Variants in ZNF792 observed in about 807,000 individuals in gnomAD.
ZNF792 encodes the protein zinc finger protein 792.
Under a neutral mutation model 13.1 loss-of-function variants are expected in ZNF792, and 14 were observed. The observed-to-expected ratio is 1.07, with a 90% CI of 0.71 to 1.67. The LOEUF (loss-of-function observed/expected upper bound fraction) is 1.67, where lower values mean the gene tolerates loss of function less well. Ranked by LOEUF, ZNF792 falls within the 40% of genes most tolerant of loss-of-function variation. The probability of loss-of-function intolerance (pLI) is 0.00; values close to 1 mark genes in which losing one functional copy is unlikely to be tolerated. For synonymous variants in ZNF792, 257 were observed against 292.0 expected (o/e 0.88, Z 1.22); for missense variants, 740 against 807.9 (o/e 0.92, Z 1.02).
In ZNF792 at chr19:34,958,527, A is replaced by C; in HGVS notation, c.1328T>G (p.Val443Gly). The C allele has an allele frequency of 6.3e-7, 1 of 1,595,546 alleles. No individual in the cohort carries two copies. Among genetic ancestry groups the C allele is most frequent in the Non-Finnish European group, 8.5e-7 (1 of 1,170,156 alleles). Residue 443 changes from valine to glycine, a missense_variant, in exon 4 of 4, where the codon GTT (valine) becomes GGT (glycine). By Grantham distance (109) the Val-to-Gly change is moderately radical. Transcript: ENST00000404801. ...HIASLIQHQI[V>G]HTGERPHGCG... ...CCCGTGAGGCCGCTCGCCAGTGTGA[A>C]CTATCTGATGTTGAATGAGGCTGGC...
rs377551547 is a variant in ZNF792, at chr19:34,960,226, G to A, written c.283+9C>T. ...GTCACATCCTCCCCTAGCTCCCATCGCTGCTTACCAGAGCCAGGCCTGCCA... is the reference window on the plus strand; with the variant it reads ...GTCACATCCTCCCCTAGCTCCCATCACTGCTTACCAGAGCCAGGCCTGCCA... On this transcript the variant is annotated intron_variant, in intron 3 of 3. Coordinates refer to ENST00000404801, the MANE Select transcript of ZNF792 (RefSeq NM_175872.5). 230 of 1,613,040 alleles carry A rather than the reference G, an allele frequency of 1.4e-4. No individual in the cohort carries two copies. The highest frequency in any genetic ancestry group is 2.8e-4 in the African/African-American group (21 of 75,030).
In ZNF792 at chr19:34,958,661, T is replaced by G. The variant is rs1355749670; in HGVS notation, c.1194A>C (p.Glu398Asp). The G allele has an allele frequency of 6.2e-7, 1 of 1,614,160 alleles. No individual in the cohort carries two copies. The highest frequency in any genetic ancestry group is 1.7e-5 in the Admixed American group (1 of 60,020). ...AGTTGCAGTTGAAAGATTTCCCACATTCACTGCACTCATGGGCACTTCTGC... is the reference window on the plus strand; with the variant it reads ...AGTTGCAGTTGAAAGATTTCCCACAGTCACTGCACTCATGGGCACTTCTGC... ...HTGRSAHECS[E>D]CGKSFNCNSS... Residue 398 changes from glutamate (E) to aspartate (D), a missense_variant, in exon 4 of 4, where the codon GAA (glutamate) becomes GAC (aspartate). Physicochemically the swap from Glu to Asp is conservative, Grantham distance 45. Transcript: ENST00000404801.
intron 1 of ZNF792, among the ~76,000 whole-genome samples, chr19:34,961,280 TCTC>T (rs2013524616): frequency 6.6e-6 from 1 of 152,044 alleles, no homozygotes; most frequent in African/African-American, 2.4e-5. Context: ...AATGTGGGCT[TCTC>T]CTTTAAACCC....
intron 1 of ZNF792, among the ~76,000 whole-genome samples, chr19:34,962,101 G>A (rs1192739426): frequency 6.6e-6 from 1 of 151,994 alleles, no homozygotes; most frequent in East Asian, 1.9e-4. Flanking sequence ...CCTGCTCTCA[G>A]TTTTCCAGCC....
At position 34,959,092 on chromosome 19, in the gene ZNF792, T is replaced by C; in HGVS notation, c.763A>G (p.Lys255Glu). Residue 255 changes from lysine to glutamate, a missense_variant, in exon 4 of 4, where the codon AAG becomes GAG. Lys to Glu is a moderately conservative substitution (Grantham distance 56, BLOSUM62 1). Transcript: ENST00000404801. ...AAGGCATCCCCAGATTCACAGCACT[T>C]GTTATGCCTTAGTGCAATGTGAAAA... is the stretch of plus-strand genomic sequence containing the variant. ...VDFHIALRHN[K>E]CCESGDAFNN... The C allele has an allele frequency of 6.2e-7, 1 of 1,614,136 alleles. No individual in the cohort carries two copies.
Position 34,963,707 on chromosome 19 carries a change from G to A in ZNF792, c.-45C>T. The A allele has an allele frequency of 1.9e-6, 3 of 1,540,994 alleles. No individual in the cohort carries two copies. Among genetic ancestry groups the A allele is most frequent in the East Asian group, 2.4e-5 (1 of 42,402 alleles). ...AGGGCCCCACGGTGCGGGAAACCAC[G>A]GGGCGGGGGTAGGGGGTCTCGCAGG... On this transcript the variant is annotated 5_prime_UTR_variant, in exon 1 of 4. Transcript: ENST00000404801.
intron 2 of ZNF792, 23 bp downstream of exon 2, chr19:34,960,845 C>T (rs377172334): frequency 1.5e-4 from 240 of 1,613,610 alleles, no homozygotes; most frequent in Non-Finnish European, 1.8e-4. Flanking sequence ...CTCGGGACAC[C>T]GGGGTAGGGG....
intron 2 of ZNF792, chr19:34,960,584 C>T (rs1202797267): frequency 4.6e-5 from 32 of 694,138 alleles, no homozygotes; most frequent in Non-Finnish European, 6.6e-5. Context: ...GGATAATCAC[C>T]CAGGAGGGAA....
In ZNF792 at chr19:34,957,947, CT is replaced by C; in HGVS notation, c.*8del. The C allele has an allele frequency of 6.3e-7, 1 of 1,580,260 alleles. No individual in the cohort carries two copies. The highest frequency in any genetic ancestry group is 8.6e-7 in the Non-Finnish European group (1 of 1,162,076). On this transcript the variant is annotated 3_prime_UTR_variant, in exon 4 of 4. Transcript: ENST00000404801. ...TGTCTCCAGAAAGCTTCCAACACAG[CT>C]AGCATTCCTAGGGAACCTCCCCAGG...
At chr19:34,963,508 A>T in intron 1 of ZNF792, 122 bp downstream of exon 1, 2 of 1,406,108 alleles carry the variant, frequency 1.4e-6, no homozygotes, top group Non-Finnish European at 2.0e-6. Context: ...GGGTCCCCTG[A>T]CTCAAAAGCA....
At position 34,959,493 on chromosome 19, in the gene ZNF792, C is replaced by T. The variant is rs2013493301; in HGVS notation, c.362G>A (p.Ser121Asn). The T allele has an allele frequency of 6.2e-7, 1 of 1,609,400 alleles. No individual in the cohort carries two copies. Among genetic ancestry groups the T allele is most frequent in the Non-Finnish European group, 8.5e-7 (1 of 1,177,272 alleles). ...CTGGGGGCACAGAGTTGCCTCGGGA[C>T]TCCTGTCCTGTGCCACTCCTTCTAC... ...VSVEGVAQDR[S>N]PEATLCPQKT... The change falls in exon 4 of 4, where the codon AGT becomes AAT. Residue 121 changes from serine to asparagine, a missense_variant. Transcript: ENST00000404801.
In ZNF792 at chr19:34,958,438, T is replaced by C. The variant is rs774385734; in HGVS notation, c.1417A>G (p.Thr473Ala). The C allele has an allele frequency of 8.7e-6, 14 of 1,610,486 alleles. No homozygotes were observed. Among genetic ancestry groups the C allele is most frequent in the Admixed American group, 5.0e-5 (3 of 59,868 alleles). The stretch of plus-strand genomic sequence containing the variant: ...TTGCATTCATAAGGCCGCTCACCAG[T>C]GTGAACTCGCTGATGTTTCATGAGG... ...SDLMKHQRVH[T>A]GERPYECNEC... Residue 473 changes from threonine to alanine, a missense_variant, in exon 4 of 4, where the codon ACT becomes GCT. Transcript: ENST00000404801.
chr19:34,960,643 C>T (rs1475370721), intron 2 of ZNF792: 1 of 732,816 alleles, frequency 1.4e-6, no homozygotes, highest in African/African-American at 1.8e-5. Context: ...CCCCTCATGC[C>T]TGGAGCTTCC....
intron 2 of ZNF792, 29 bp from the exon 3 acceptor site, chr19:34,960,386 C>T: frequency 6.2e-7 from 1 of 1,606,534 alleles, no homozygotes; most frequent in South Asian, 1.1e-5. Flanking sequence ...GGGTCAGTGG[C>T]CAGCACCTGC....
chr19:34,962,894 C>T (rs2013548347), intron 1 of ZNF792, among the ~76,000 whole-genome samples: 1 of 152,178 alleles, frequency 6.6e-6, no homozygotes, highest in Non-Finnish European at 1.5e-5. Context: ...AAACCAACTT[C>T]TCAGTTCATA....
rs1330237742 is a variant in ZNF792, at chr19:34,957,882, G to GA, written c.*73dup. The GA allele has an allele frequency of 2.1e-6, 3 of 1,450,202 alleles. No homozygotes were observed. Among genetic ancestry groups the GA allele is most frequent in the African/African-American group, 2.8e-5 (2 of 70,298 alleles). 89.8% of individuals were successfully genotyped at this position (1,450,202 alleles called of 1,614,324 possible). On this transcript the variant is annotated 3_prime_UTR_variant, in exon 4 of 4. Coordinates refer to ENST00000404801, the MANE Select transcript of ZNF792 (RefSeq NM_175872.5). ...TGGCTTCTATCACAACCCCAGCAGT[G>GA]AAAAAACGCTGATAAACTCTACAGT... is the stretch of plus-strand genomic sequence containing the variant.
Position 34,963,916 on chromosome 19 carries a change from AG to A in ZNF792, c.-255del, listed in dbSNP as rs2013569622. 2.2e-6 allele frequency: 1 copy of A among 459,408 alleles called. No individual in the cohort carries two copies. Among genetic ancestry groups the A allele is most frequent in the Non-Finnish European group, 3.8e-6 (1 of 261,488 alleles). 28.5% of individuals were successfully genotyped at this position (459,408 alleles called of 1,614,324 possible). On this transcript the variant is annotated 5_prime_UTR_variant, in exon 1 of 4. Coordinates refer to ENST00000404801, the MANE Select transcript of ZNF792 (RefSeq NM_175872.5). ...TTGCAAGGGGTCACGGCTGGTGCAA[AG>A]GCGCGGAGGGGGTCCCGGCCTCACT...
chr19:34,958,036 C>G lies in ZNF792; in HGVS notation c.1819G>C (p.Glu607Gln). 6.2e-7 allele frequency: 1 copy of G among 1,612,976 alleles called. No homozygotes were observed. Among genetic ancestry groups the G allele is most frequent in the Non-Finnish European group, 8.5e-7 (1 of 1,179,470 alleles). The change falls in exon 4 of 4, where the codon GAG becomes CAG. Residue 607 changes from glutamate (E) to glutamine (Q), a missense_variant. By Grantham distance (29) the Glu-to-Gln change is conservative. Transcript: ENST00000404801. ...CSQHTPEISS[E>Q]NRPYQGAVNY... ...ACAGCGCCCTGATAAGGTCTGTTCT[C>G]AGAGCTTATCTCTGGTGTGTGCTGT...
rs2013493344 is a variant in ZNF792, at chr19:34,959,494, T to A, written c.361A>T (p.Ser121Cys). The A allele has an allele frequency of 6.2e-7, 1 of 1,608,786 alleles. No individual in the cohort carries two copies. The highest frequency in any genetic ancestry group is 8.5e-7 in the Non-Finnish European group (1 of 1,176,976). The stretch of plus-strand genomic sequence containing the variant: ...TGGGGGCACAGAGTTGCCTCGGGAC[T>A]CCTGTCCTGTGCCACTCCTTCTACA... ...VSVEGVAQDR[S>C]PEATLCPQKT... The change falls in exon 4 of 4, where the codon AGT becomes TGT. Residue 121 changes from serine to cysteine, a missense_variant. Ser to Cys is a moderately radical substitution (Grantham distance 112). Coordinates refer to ENST00000404801, the MANE Select transcript of ZNF792 (RefSeq NM_175872.5).
Sources: allele counts gnomAD v4.1 joint callset (sites outside exome capture counted in the v4.1 genomes callset), GRCh38; gene constraint gnomAD v4.1.1; transcripts MANE v1.5; gene names NCBI Gene and HGNC (gene_info 2026-07-23, HGNC 2026-07-21).